Variants in DPP6 observed in about 807,000 individuals in gnomAD.
DPP6 encodes the protein A-type potassium channel modulatory protein DPP6.
Under a neutral mutation model 122.6 loss-of-function variants are expected in DPP6, and 69 were observed. The ratio of observed to expected loss-of-function variants is 0.56; its 90% confidence interval spans 0.46 to 0.69. The LOEUF (loss-of-function observed/expected upper bound fraction) is 0.69, where lower values mean the gene tolerates loss of function less well. DPP6 is among the 30% of genes least tolerant of loss of function. The probability of loss-of-function intolerance (pLI) is 0.00; values close to 1 mark genes in which losing one functional copy is unlikely to be tolerated. For missense variants in DPP6, 928 were observed against 1,116.9 expected (o/e 0.83, Z 2.41); for synonymous variants, 418 against 433.1 (o/e 0.97, Z 0.43).
At chr7:153,829,601 A>G in the DPP6 span, among the ~76,000 whole-genome samples, 7 of 152,112 alleles carry the variant, frequency 4.6e-5, no homozygotes, top group African/African-American at 1.4e-4. Flanking sequence ...CCTTCATTCC[A>G]CAAATCAATT....
At chr7:154,471,046 T>A (rs539931369) in intron 2 of DPP6, among the ~76,000 whole-genome samples, 1 of 151,810 alleles carries the variant, frequency 6.6e-6, no homozygotes, top group South Asian at 2.1e-4. Context: ...AGGTCAGGAG[T>A]TCGAGACCAG....
intron 1 of DPP6, among the ~76,000 whole-genome samples, chr7:154,347,467 C>A (rs1051892760): frequency 4.6e-5 from 7 of 152,034 alleles, no homozygotes; most frequent in Non-Finnish European, 1.0e-4. Flanking sequence ...TTTATTTGAC[C>A]AAAGCATGAT....
intron 1 of DPP6, among the ~76,000 whole-genome samples, chr7:154,290,971 A>G (rs1348236184): frequency 6.6e-6 from 1 of 152,182 alleles, no homozygotes; most frequent in African/African-American, 2.4e-5. Flanking sequence ...CAAGAGACAA[A>G]ACAAAAGTAG....
chr7:154,640,441 C>T (rs1836001599), intron 6 of DPP6, among the ~76,000 whole-genome samples: 1 of 147,390 alleles, frequency 6.8e-6, no homozygotes, highest in South Asian at 2.2e-4. Context: ...CAGTGTCCCA[C>T]CCTGTCACCA....
intron 10 of DPP6, among the ~76,000 whole-genome samples, chr7:154,776,106 C>T (rs1243183704): frequency 8.6e-5 from 13 of 151,958 alleles, no homozygotes; most frequent in Middle Eastern, 3.4e-3. Flanking sequence ...CATCAGGCCA[C>T]GTACCCGCTG....
intron 1 of DPP6, among the ~76,000 whole-genome samples, chr7:154,412,477 G>A (rs1030265080): frequency 4.6e-5 from 7 of 151,934 alleles, no homozygotes; most frequent in Non-Finnish European, 2.9e-5. Flanking sequence ...ATTGGATCAG[G>A]CCTCCCCACC....
intron 1 of DPP6, among the ~76,000 whole-genome samples, chr7:154,249,585 G>T (rs1802217546): frequency 1.3e-5 from 2 of 152,114 alleles, no homozygotes; most frequent in Admixed American, 6.6e-5. Context: ...GTGTTTCAGG[G>T]ATTTTGTTTT....
chr7:154,274,004 C>G (rs902349249), intron 1 of DPP6, among the ~76,000 whole-genome samples: 22 of 152,148 alleles, frequency 1.4e-4, no homozygotes, highest in Non-Finnish European at 3.1e-4. Context: ...AGCCAGGAAG[C>G]CAGACAACAG....
intron 1 of DPP6, among the ~76,000 whole-genome samples, chr7:154,210,980 C>T (rs532976719): frequency 7.4e-4 from 113 of 152,264 alleles, no homozygotes; most frequent in African/African-American, 2.6e-3. Flanking sequence ...AGAAACAGGC[C>T]TGGAGTGCCC....
At chr7:154,720,785 C>A (rs150811309) in intron 7 of DPP6, among the ~76,000 whole-genome samples, 1 of 152,256 alleles carries the variant, frequency 6.6e-6, no homozygotes, top group Non-Finnish European at 1.5e-5. Context: ...TTCACCAGAA[C>A]GGAATGCAAG....
chr7:154,817,946 C>T (rs1227176289), intron 16 of DPP6, among the ~76,000 whole-genome samples: 1 of 152,188 alleles, frequency 6.6e-6, no homozygotes, highest in Non-Finnish European at 1.5e-5. Context: ...ACATGCCATG[C>T]ATCTATGATG....
At chr7:154,061,812 G>A (rs1214313196) in intron 1 of DPP6, among the ~76,000 whole-genome samples, 23 of 135,282 alleles carry the variant, frequency 1.7e-4, no homozygotes, top group Non-Finnish European at 2.8e-4. Flanking sequence ...GGGACTGAGA[G>A]CGAGCCCCTC....
intron 2 of DPP6, among the ~76,000 whole-genome samples, chr7:154,471,411 A>G (rs897615758): frequency 2.6e-5 from 4 of 152,170 alleles, no homozygotes; most frequent in African/African-American, 9.7e-5. Flanking sequence ...CAAGTCATAG[A>G]GACTGAAGTC....
rs369166468 is a variant in DPP6, at chr7:154,554,619, G to A, written c.553-12223G>A. ...ACATGCCTAGAATTTTATATAAATG[G>A]GATCATCATACATGTAGACCAATAT... is the stretch of plus-strand genomic sequence containing the variant. On this transcript the variant is annotated intron_variant, in intron 4 of 25. Coordinates refer to ENST00000377770, the MANE Select transcript of DPP6 (RefSeq NM_130797.4). Among the ~76,000 whole-genome samples, 41 of 152,052 alleles carry A rather than the reference G, an allele frequency of 2.7e-4. No individual in the cohort carries two copies. The South Asian group carries it at 7.3e-3, about 27-fold the overall frequency.
chr7:154,447,161 C>T (rs1425991324), intron 2 of DPP6, among the ~76,000 whole-genome samples: 1 of 152,090 alleles, frequency 6.6e-6, no homozygotes, highest in Non-Finnish European at 1.5e-5. Flanking sequence ...CAAAAATTAG[C>T]CAGGCGTGGT....
At chr7:154,165,901 T>C (rs1461351947) in intron 1 of DPP6, among the ~76,000 whole-genome samples, 2 of 152,194 alleles carry the variant, frequency 1.3e-5, no homozygotes, top group Non-Finnish European at 2.9e-5. Flanking sequence ...ATAAATTGTG[T>C]TTGAAAATAT....
intron 16 of DPP6, among the ~76,000 whole-genome samples, chr7:154,816,839 A>T (rs1427393725): frequency 6.6e-6 from 1 of 152,190 alleles, no homozygotes; most frequent in Non-Finnish European, 1.5e-5. Flanking sequence ...AGCAAATTCC[A>T]GAAGCGGCCA....
intron 6 of DPP6, among the ~76,000 whole-genome samples, chr7:154,644,269 G>A (rs1485707067): frequency 6.6e-6 from 1 of 152,198 alleles, no homozygotes; most frequent in Non-Finnish European, 1.5e-5. Flanking sequence ...TGGAATGGTG[G>A]GTCGGGAGCT....
At chr7:154,410,702 G>A (rs1202805515) in intron 1 of DPP6, among the ~76,000 whole-genome samples, 1 of 152,182 alleles carries the variant, frequency 6.6e-6, no homozygotes, top group Non-Finnish European at 1.5e-5. Context: ...CATTATTGCT[G>A]CAGTAGATTT....
Sources: gnomAD v4.1 joint callset for allele counts (sites outside exome capture counted in the v4.1 genomes callset) on GRCh38, gnomAD v4.1.1 for gene constraint, MANE v1.5 for transcripts, NCBI Gene and HGNC (gene_info 2026-07-23, HGNC 2026-07-21) for gene names.